KRT3: variants seen among roughly 807,000 people sequenced by gnomAD.
KRT3 encodes the protein keratin, type II cytoskeletal 3.
In KRT3, 34 loss-of-function variants were observed where a neutral mutation model predicts 45.8. That is an observed-to-expected ratio of 0.74 (90% CI 0.57 to 0.99). The LOEUF (loss-of-function observed/expected upper bound fraction) is 0.99, where lower values mean the gene tolerates loss of function less well. Among genes scored for constraint, KRT3 ranks in the 50% least tolerant of loss-of-function variants. The pLI, the probability that KRT3 is intolerant of heterozygous loss-of-function variation, is 0.00. For synonymous variants in KRT3, 367 were observed against 329.0 expected (o/e 1.12, Z -1.25); for missense variants, 828 against 820.6 (o/e 1.01, Z -0.11).
At chr12:52,795,330 A>G (rs1306453031) in intron 1 of KRT3, 68 bp downstream of exon 1, 11 of 1,582,640 alleles carry the variant, frequency 7.0e-6, no homozygotes, top group Admixed American at 3.3e-5. Flanking sequence ...ACATTTAAAC[A>G]CTGTGTCCCA....
At position 52,794,290 on chromosome 12, in the gene KRT3, C is replaced by CTTGGTCTCCAGGACTT. The variant is rs1379628144; in HGVS notation, c.671_686dup (p.Trp230SerfsTer24). ...TGCCCTGCTGCTGGAGCAGGTTCCA[C>CTTGGTCTCCAGGACTT]TTGGTCTCCAGGACTTTGTTCTGTT... On this transcript the variant is annotated frameshift_variant, in exon 2 of 9. Coordinates refer to ENST00000417996, the MANE Select transcript of KRT3 (RefSeq NM_057088.3). LOFTEE classifies it high-confidence loss of function. The CTTGGTCTCCAGGACTT allele has an allele frequency of 3.7e-6, 6 of 1,614,190 alleles. No individual in the cohort carries two copies. Among genetic ancestry groups the CTTGGTCTCCAGGACTT allele is most frequent in the Non-Finnish European group, 5.1e-6 (6 of 1,180,042 alleles).
Position 52,795,769 on chromosome 12 carries a change from C to A in KRT3, c.274G>T (p.Gly92Cys). The change falls in exon 1 of 9, where the codon GGC becomes TGC. Residue 92 changes from glycine (G) to cysteine (C), a missense_variant. Transcript: ENST00000417996. ...CCGCTCCCAAAGCCACCTCCATAGC[C>A]ACCTGCAAAGGCACAGCTGCTCCGC... ...GGRSSCAFAG[G>C]YGGGFGSGYG... 1 of 1,614,016 alleles carries A rather than the reference C, an allele frequency of 6.2e-7. No homozygotes were observed. The highest frequency in any genetic ancestry group is 8.5e-7 in the Non-Finnish European group (1 of 1,179,896).
chr12:52,789,874 T>C lies in KRT3; in HGVS notation c.*168A>G, dbSNP rs1939444013. On this transcript the variant is annotated 3_prime_UTR_variant, in exon 9 of 9. Transcript: ENST00000417996. Reference sequence around the variant, plus strand: ...CGGAGAGAAGAGCCTGAAATTCTCGTGACTGGGCTTGGCCGGGGATCTGGA... The same window carrying C: ...CGGAGAGAAGAGCCTGAAATTCTCGCGACTGGGCTTGGCCGGGGATCTGGA... The C allele has an allele frequency of 4.2e-6, 3 of 722,408 alleles. No homozygotes were observed. The highest frequency in any genetic ancestry group is 1.7e-5 in the South Asian group (1 of 57,450). 44.7% of individuals were successfully genotyped at this position (722,408 alleles called of 1,614,324 possible).
intron 1 of KRT3, 56 bp from the exon 2 acceptor site, chr12:52,794,387 G>C: frequency 7.4e-7 from 1 of 1,348,268 alleles, no homozygotes; most frequent in African/African-American, 1.4e-5. Flanking sequence ...GGAGCAGAGG[G>C]GCCTTCACTC....
At chr12:52,792,648 C>A (rs777503601) in intron 4 of KRT3, 63 bp downstream of exon 4, 31 of 1,267,512 alleles carry the variant, frequency 2.4e-5, no homozygotes, top group Non-Finnish European at 3.5e-5. Context: ...CAAAATGCAC[C>A]AGCCTCAAAT....
chr12:52,794,039 G>C (rs1181782803), intron 2 of KRT3, 72 bp downstream of exon 2: 31 of 1,151,830 alleles, frequency 2.7e-5, no homozygotes, highest in Admixed American at 1.1e-4. Flanking sequence ...CAGTCAGGGG[G>C]CATGTAGAAG....
chr12:52,790,295 C>A lies in KRT3; in HGVS notation c.1634G>T (p.Gly545Val), dbSNP rs547164798. The A allele has an allele frequency of 2.0e-4, 309 of 1,564,146 alleles. 1 individual carries two copies. The highest frequency in any genetic ancestry group is 1.5e-3 in the South Asian group (131 of 84,678). Reference protein sequence around the residue: ...AGGYGGGYGGGMGGGLGGGFS... With the variant: ...AGGYGGGYGGVMGGGLGGGFS... Reference sequence around the variant, plus strand: ...GCCACCTCCTAAACCACCGCCCATGCCTCCGCCGTAACCTCCTCCATAGCC... The same window carrying A: ...GCCACCTCCTAAACCACCGCCCATGACTCCGCCGTAACCTCCTCCATAGCC... The change falls in exon 9 of 9, where the codon GGC (glycine) becomes GTC (valine). Residue 545 changes from glycine (G) to valine (V), a missense_variant. By Grantham distance (109) the Gly-to-Val change is moderately radical (BLOSUM62 -3). Transcript: ENST00000417996.
At position 52,789,888 on chromosome 12, in the gene KRT3, C is replaced by A; in HGVS notation, c.*154G>T. On this transcript the variant is annotated 3_prime_UTR_variant, in exon 9 of 9. Coordinates refer to ENST00000417996, the MANE Select transcript of KRT3 (RefSeq NM_057088.3). ...TGAAATTCTCGTGACTGGGCTTGGCCGGGGATCTGGAAGGAGGAGCAAGAG... is the reference window on the plus strand; with the variant it reads ...TGAAATTCTCGTGACTGGGCTTGGCAGGGGATCTGGAAGGAGGAGCAAGAG... The A allele has an allele frequency of 1.3e-6, 1 of 769,886 alleles. No homozygotes were observed. The highest frequency in any genetic ancestry group is 1.7e-5 in the South Asian group (1 of 59,682). The allele number at this position is 769,886 out of a possible 1,614,324, so 47.7% of individuals were successfully genotyped here.
chr12:52,792,486 C>T (rs1939543045), intron 4 of KRT3, 83 bp from the exon 5 acceptor site: 1 of 1,363,770 alleles, frequency 7.3e-7, no homozygotes, highest in South Asian at 1.2e-5. Flanking sequence ...GATCAACAGT[C>T]TCATTCACTG....
chr12:52,793,277 C>T (rs1939568652), intron 2 of KRT3, 54 bp from the exon 3 acceptor site: 4 of 1,244,172 alleles, frequency 3.2e-6, no homozygotes, highest in Non-Finnish European at 4.6e-6. Flanking sequence ...ATCGTAAACA[C>T]CATTGTTCCC....
In KRT3 at chr12:52,790,349, C is replaced by G. The variant is rs752552174; in HGVS notation, c.1580G>C (p.Ser527Thr). ...CPSAVSISVV[S>T]SSTTSASAGG... ...TGCGGAGGCGGAAGTCGTGCTGCTGCTGACCACGGCTGTGGGGGAGAGGAC... is the reference window on the plus strand; with the variant it reads ...TGCGGAGGCGGAAGTCGTGCTGCTGGTGACCACGGCTGTGGGGGAGAGGAC... Residue 527 changes from serine (S) to threonine (T), a missense_variant, in exon 9 of 9, where the codon AGC becomes ACC. Physicochemically the swap from Ser to Thr is moderately conservative, Grantham distance 58. Coordinates refer to ENST00000417996, the MANE Select transcript of KRT3 (RefSeq NM_057088.3). 3 of 1,594,574 alleles carry G rather than the reference C, an allele frequency of 1.9e-6. No individual in the cohort carries two copies. The East Asian group carries it at 6.8e-5, about 36-fold the overall frequency.
Position 52,792,713 on chromosome 12 carries a change from C to A in KRT3, c.1021G>T (p.Ala341Ser). The change falls in exon 4 of 9, where the codon GCT becomes TCT. Residue 341 changes from alanine (A) to serine (S), a missense_variant and splice_region_variant. Ala to Ser is a moderately conservative substitution (Grantham distance 99, BLOSUM62 1). Transcript: ENST00000417996. ...TTCTTAGTAGGTAACATCCTTACAG[C>A]GTCGTAGAGGGTCCTTAAGAAGTCG... The part of the protein sequence containing the change: ...EIDFLRTLYD[A>S]ELSQMQSHIS... 1.2e-6 allele frequency: 2 copies of A among 1,601,318 alleles called. No homozygotes were observed. Among genetic ancestry groups the A allele is most frequent in the Non-Finnish European group, 1.7e-6 (2 of 1,168,452 alleles).
chr12:52,794,927 A>G (rs552732036), intron 1 of KRT3, among the ~76,000 whole-genome samples: 43 of 152,226 alleles, frequency 2.8e-4, no homozygotes, highest in African/African-American at 9.9e-4. Flanking sequence ...GGGACTAACT[A>G]AGGTTCTTAT....
In KRT3 at chr12:52,789,975, T is replaced by A; in HGVS notation, c.*67A>T. 1 of 1,472,462 alleles carries A rather than the reference T, an allele frequency of 6.8e-7. No homozygotes were observed. The highest frequency in any genetic ancestry group is 9.2e-7 in the Non-Finnish European group (1 of 1,088,310). 91.2% of individuals were successfully genotyped at this position (1,472,462 alleles called of 1,614,324 possible). Reference sequence around the variant, plus strand: ...GAGCATGGGGTGGCGCTGGGGGTGTTGCCAATATGGGGGCGTGGGGAGCGG... The same window carrying A: ...GAGCATGGGGTGGCGCTGGGGGTGTAGCCAATATGGGGGCGTGGGGAGCGG... On this transcript the variant is annotated 3_prime_UTR_variant, in exon 9 of 9. Transcript: ENST00000417996.
chr12:52,796,110 T>C lies in KRT3; in HGVS notation c.-68A>G. ...ACACTGAGAGTCAGAGGAAGAGGGA[T>C]GGGAAATGAAGACCTGTGCAAAATA... On this transcript the variant is annotated 5_prime_UTR_variant, in exon 1 of 9. Coordinates refer to ENST00000417996, the MANE Select transcript of KRT3 (RefSeq NM_057088.3). The C allele has an allele frequency of 6.5e-7, 1 of 1,549,938 alleles. No individual in the cohort carries two copies. The highest frequency in any genetic ancestry group is 2.3e-5 in the East Asian group (1 of 44,304).
At chr12:52,794,403 G>A (rs1173213665) in intron 1 of KRT3, 72 bp from the exon 2 acceptor site, 20 of 1,124,706 alleles carry the variant, frequency 1.8e-5, no homozygotes, top group African/African-American at 3.2e-5. Flanking sequence ...CACTCAGGTA[G>A]GACTAGGTGT....
chr12:52,795,272 C>T (rs932072634), intron 1 of KRT3, 126 bp downstream of exon 1: 13 of 1,171,466 alleles, frequency 1.1e-5, no homozygotes, highest in Admixed American at 7.9e-5. Flanking sequence ...TTCCCAGACC[C>T]TAGAGTTCCA....
chr12:52,796,016 A>G lies in KRT3; in HGVS notation c.27T>C (p.Ser9=), dbSNP rs758163988. ...CGGAGAAACCCTGGCTCCCGCCACC[A>G]GATGTCTTGCTGGCTTGTCTGCTCA... The part of the protein sequence containing the change: MSRQASKT[S]GGGSQGFSGR... Residue 9 remains serine (S), a synonymous_variant, in exon 1 of 9, where the codon TCT becomes TCC. Coordinates refer to ENST00000417996, the MANE Select transcript of KRT3 (RefSeq NM_057088.3). 9.9e-6 allele frequency: 16 copies of G among 1,613,608 alleles called. No homozygotes were observed. The East Asian group carries it at 2.9e-4, about 29-fold the overall frequency.
chr12:52,792,744 A>G lies in KRT3; in HGVS notation c.990T>C (p.Asp330=), dbSNP rs1939552219. Residue 330 remains aspartate, a synonymous_variant, in exon 4 of 9, where the codon GAT becomes GAC. Transcript: ENST00000417996. ...AGAGGGTCCTTAAGAAGTCGATCTC[A>G]TCTATCAAGGCATCCACTTTGGCCT... ...ELQAKVDALI[D]EIDFLRTLYD... is the part of the protein sequence containing the mutation. 1 of 1,607,302 alleles carries G rather than the reference A, an allele frequency of 6.2e-7. No individual in the cohort carries two copies. Among genetic ancestry groups the G allele is most frequent in the Non-Finnish European group, 8.5e-7 (1 of 1,173,828 alleles).
Sources: gnomAD v4.1 joint callset for allele counts (sites outside exome capture counted in the v4.1 genomes callset) on GRCh38, gnomAD v4.1.1 for gene constraint, MANE v1.5 for transcripts, NCBI Gene and HGNC (gene_info 2026-07-23, HGNC 2026-07-21) for gene names.